The following RBFOX1 variants were observed in gnomAD, a reference collection of about 807,000 sequenced individuals.
RBFOX1 encodes RNA binding protein fox-1 homolog 1.
Under a neutral mutation model 57.7 loss-of-function variants are expected in RBFOX1, and 8 were observed. That is an observed-to-expected ratio of 0.14 (90% CI 0.08 to 0.25). The LOEUF is 0.25. RBFOX1 is among the 10% of genes least tolerant of loss of function. The pLI is 1.00. For missense variants in RBFOX1, 611 were observed against 548.5 expected (o/e 1.11, Z -1.14); for synonymous variants, 326 against 222.4 (o/e 1.47, Z -4.15).
At chr16:6,294,439 T>C (rs1346017355) in intron 1 of RBFOX1, among the ~76,000 whole-genome samples, 1 of 152,222 alleles carries the variant, frequency 6.6e-6, no homozygotes, top group Non-Finnish European at 1.5e-5. Flanking sequence ...GTGGTTCACA[T>C]ATTTTATATA....
At chr16:7,504,743 A>ATATATATTTATATATATATATATT (rs1197181816) in intron 4 of RBFOX1, among the ~76,000 whole-genome samples, 1 of 14,964 alleles carries the variant, frequency 6.7e-5, no homozygotes, top group Non-Finnish European at 1.3e-4. Context: ...ATATATATAT[A>ATATATATTTATATATATATATATT]TATATATATA....
At chr16:7,567,047 C>G (rs1217507830) in intron 5 of RBFOX1, among the ~76,000 whole-genome samples, 1 of 151,418 alleles carries the variant, frequency 6.6e-6, no homozygotes, top group Admixed American at 6.6e-5. Flanking sequence ...ATGGAACTGA[C>G]TGCCTGAGCG....
rs139251660 is a variant in RBFOX1 at position 7,579,796 on chromosome 16, C to A, written c.290C>A (p.Pro97Gln). Residue 97 changes from proline (P) to glutamine (Q), a missense_variant, in exon 6 of 16, where the codon CCG becomes CAG. Physicochemically the swap from Pro to Gln is moderately conservative, Grantham distance 76. Around this residue, in one of 3 missense-constraint regions of RBFOX1, gnomAD observed 245 missense variants for 159.1 expected, o/e 1.54. Transcript: ENST00000550418. Reference protein sequence around the residue: ...GTATQTDDAAPTDGQPQTQPS... With the variant: ...GTATQTDDAAQTDGQPQTQPS... ...TTTTAGCAGACAGATGACGCAGCAC[C>A]GACGGATGGCCAGCCCCAGACACAA... The A allele has an allele frequency of 2.0e-5, 33 of 1,613,884 alleles. No individual in the cohort carries two copies. The highest frequency in any genetic ancestry group is 2.8e-5 in the Non-Finnish European group (33 of 1,179,968).
chr16:7,273,980 C>T (rs1242837838), intron 4 of RBFOX1, among the ~76,000 whole-genome samples: 1 of 152,092 alleles, frequency 6.6e-6, no homozygotes, highest in African/African-American at 2.4e-5. Flanking sequence ...AAGGATAGTT[C>T]CTGAACTGTG....
At chr16:6,883,675 C>G (rs994372484) in intron 3 of RBFOX1, among the ~76,000 whole-genome samples, 1 of 152,142 alleles carries the variant, frequency 6.6e-6, no homozygotes, top group African/African-American at 2.4e-5. Flanking sequence ...GAAACCTTGC[C>G]TCCCACATCC....
chr16:7,290,406 C>T (rs987955458), intron 4 of RBFOX1, among the ~76,000 whole-genome samples: 11 of 152,254 alleles, frequency 7.2e-5, no homozygotes, highest in East Asian at 1.9e-4. Flanking sequence ...ACCAGGTGAC[C>T]TTAAAATATC....
intron 3 of RBFOX1, among the ~76,000 whole-genome samples, chr16:5,815,783 C>T (rs928701510): frequency 6.6e-6 from 1 of 152,188 alleles, no homozygotes; most frequent in African/African-American, 2.4e-5. Context: ...ATTATCCCTT[C>T]TCAGGAAACA....
At chr16:6,195,278 A>G (rs1379606345) in intron 1 of RBFOX1, among the ~76,000 whole-genome samples, 1 of 152,172 alleles carries the variant, frequency 6.6e-6, no homozygotes, top group South Asian at 2.1e-4. Flanking sequence ...AGCCAGTCTT[A>G]TTATAGCATT....
chr16:5,296,571 A>AT (rs1567296246), intron 1 of RBFOX1, among the ~76,000 whole-genome samples: 66 of 146,976 alleles, frequency 4.5e-4, no homozygotes, highest in African/African-American at 9.1e-4. Flanking sequence ...AAAAAAAAAA[A>AT]ATTTTTTTTT....
intron 3 of RBFOX1, among the ~76,000 whole-genome samples, chr16:6,915,275 G>T (rs1213921047): frequency 6.6e-6 from 1 of 152,058 alleles, no homozygotes; most frequent in Non-Finnish European, 1.5e-5. Flanking sequence ...CTCCAAGAAG[G>T]GCCTGGGATT....
chr16:7,595,660 T>C lies in RBFOX1; in HGVS notation c.561+19T>C, dbSNP rs768651027. Reference sequence around the variant, plus strand: ...AATCGAGGTGCATGTTCAAAATATTTTCCTTTTCATCTTTTTTATAAATGT... The same window carrying C: ...AATCGAGGTGCATGTTCAAAATATTCTCCTTTTCATCTTTTTTATAAATGT... On this transcript the variant is annotated intron_variant, in intron 8 of 15. Coordinates refer to ENST00000550418, the MANE Select transcript of RBFOX1 (RefSeq NM_018723.4). 1.9e-6 allele frequency: 3 copies of C among 1,556,316 alleles called. No homozygotes were observed. In the East Asian group the frequency reaches 7.0e-5, roughly 36 times the overall value.
chr16:6,046,973 A>G (rs1349782594), intron 1 of RBFOX1, among the ~76,000 whole-genome samples: 1 of 152,194 alleles, frequency 6.6e-6, no homozygotes, highest in African/African-American at 2.4e-5. Context: ...GAAGAAAGAC[A>G]TGTGCAGAGT....
chr16:6,335,834 A>AAAT (rs1362016092), intron 2 of RBFOX1, among the ~76,000 whole-genome samples: 2 of 150,798 alleles, frequency 1.3e-5, no homozygotes, highest in Non-Finnish European at 2.9e-5. Flanking sequence ...TAAAACAAAA[A>AAAT]AATGGAAAAT....
At chr16:7,643,654 T>G (rs1304958031) in intron 11 of RBFOX1, among the ~76,000 whole-genome samples, 1 of 152,194 alleles carries the variant, frequency 6.6e-6, no homozygotes. Flanking sequence ...TTCCCAATAT[T>G]TTTGGGTTGA....
intron 4 of RBFOX1, among the ~76,000 whole-genome samples, chr16:7,119,931 C>G (rs1426790540): frequency 6.6e-6 from 1 of 152,004 alleles, no homozygotes; most frequent in African/African-American, 2.4e-5. Context: ...AGATATTTAC[C>G]AAGATAAACC....
chr16:7,169,984 G>A (rs1421004368), intron 4 of RBFOX1, among the ~76,000 whole-genome samples: 2 of 152,070 alleles, frequency 1.3e-5, no homozygotes, highest in Non-Finnish European at 2.9e-5. Flanking sequence ...CAGGTAGGAG[G>A]ATCACTTGAG....
In RBFOX1 at chr16:7,013,983, C is replaced by T. The variant is rs138540163; in HGVS notation, c.-15-38074C>T. Among the ~76,000 whole-genome samples, 253 of 152,164 alleles carry T rather than the reference C, an allele frequency of 1.7e-3. 1 individual carries two copies. The highest frequency in any genetic ancestry group is 5.7e-3 in the African/African-American group (235 of 41,518). On this transcript the variant is annotated intron_variant, in intron 3 of 15. Coordinates refer to ENST00000550418, the MANE Select transcript of RBFOX1 (RefSeq NM_018723.4). ...AAAATGCTATATACTCTATTCCGTA[C>T]GTCAGTATTCTCACTAAAAGAAGGA...
chr16:6,006,634 G>T (rs1463293775), intron 4 of RBFOX1, among the ~76,000 whole-genome samples: 1 of 152,210 alleles, frequency 6.6e-6, no homozygotes, highest in Non-Finnish European at 1.5e-5. Flanking sequence ...CCCATTTTCA[G>T]CTTCAACTAG....
chr16:7,595,443 G>A, intron 7 of RBFOX1, 106 bp from the exon 8 acceptor site: 5 of 849,966 alleles, frequency 5.9e-6, no homozygotes, highest in Non-Finnish European at 8.8e-6. Flanking sequence ...TTACAGAACT[G>A]AAGCCAGGAC....
Sources: allele counts gnomAD v4.1 joint callset (sites outside exome capture counted in the v4.1 genomes callset), GRCh38; gene constraint gnomAD v4.1.1; regional missense constraint gnomAD v4.1.1; transcripts MANE v1.5; gene names NCBI Gene and HGNC (gene_info 2026-07-23, HGNC 2026-07-21).